The following SUPT3H variants were observed in gnomAD, a reference collection of about 807,000 sequenced individuals.
SUPT3H encodes the protein transcription initiation protein SPT3 homolog.
SUPT3H carries 44 observed loss-of-function variants against 44.3 expected under a neutral mutation model. The observed-to-expected ratio is 0.99, with a 90% CI of 0.78 to 1.28. The LOEUF (loss-of-function observed/expected upper bound fraction) is 1.28, where lower values mean the gene tolerates loss of function less well. Ranked by LOEUF, SUPT3H falls within the 50% of genes most tolerant of loss-of-function variation. The probability of loss-of-function intolerance (pLI) is 0.00; values close to 1 mark genes in which losing one functional copy is unlikely to be tolerated. For synonymous variants in SUPT3H, 124 were observed against 125.6 expected, an observed-to-expected ratio of 0.99 and a Z score of 0.09; for missense variants, 380 against 387.1, an observed-to-expected ratio of 0.98 and a Z score of 0.15.
intron 2 of SUPT3H, among the ~76,000 whole-genome samples, chr6:45,126,986 C>G (rs1317874450): frequency 6.6e-6 from 1 of 152,100 alleles, no homozygotes; most frequent in African/African-American, 2.4e-5. Flanking sequence ...TTGAATAATG[C>G]TGTTTTCCCT....
chr6:45,165,220 A>G (rs1809649653), intron 2 of SUPT3H, among the ~76,000 whole-genome samples: 1 of 152,186 alleles, frequency 6.6e-6, no homozygotes, highest in Non-Finnish European at 1.5e-5. Context: ...TGGAACACTG[A>G]GAAAAACCAC....
At chr6:44,884,388 G>T (rs1358301299) in intron 10 of SUPT3H, among the ~76,000 whole-genome samples, 1 of 152,150 alleles carries the variant, frequency 6.6e-6, no homozygotes, top group Non-Finnish European at 1.5e-5. Context: ...AAATAGGAAC[G>T]CTTTTACACC....
At chr6:44,846,535 AG>A (rs1256339713) in intron 10 of SUPT3H, among the ~76,000 whole-genome samples, 2 of 152,198 alleles carry the variant, frequency 1.3e-5, no homozygotes, top group African/African-American at 4.8e-5. Context: ...AGGTAAGACC[AG>A]GATAGATGTC....
chr6:45,136,702 A>G (rs1236771228), intron 2 of SUPT3H, among the ~76,000 whole-genome samples: 1 of 152,112 alleles, frequency 6.6e-6, no homozygotes. Context: ...CTGTCAAAAT[A>G]ATCAGTGAAC....
At chr6:45,134,209 C>G (rs1046074704) in intron 2 of SUPT3H, among the ~76,000 whole-genome samples, 4 of 152,134 alleles carry the variant, frequency 2.6e-5, no homozygotes, top group African/African-American at 9.7e-5. Context: ...TGCAAGGAAA[C>G]AAGCGAGGGC....
chr6:45,347,403 T>C (rs1312658520), intron 2 of SUPT3H, among the ~76,000 whole-genome samples: 1 of 152,122 alleles, frequency 6.6e-6, no homozygotes, highest in Non-Finnish European at 1.5e-5. Flanking sequence ...CTTTTGGTGG[T>C]AGATGTACAC....
At chr6:45,104,459 TA>T (rs1293269221) in intron 3 of SUPT3H, among the ~76,000 whole-genome samples, 1 of 151,866 alleles carries the variant, frequency 6.6e-6, no homozygotes, top group African/African-American at 2.4e-5. Flanking sequence ...TGTTTTCTGA[TA>T]AGAATTCCAC....
At chr6:44,985,683 G>C (rs1188690079) in intron 6 of SUPT3H, among the ~76,000 whole-genome samples, 3 of 152,144 alleles carry the variant, frequency 2.0e-5, no homozygotes, top group Non-Finnish European at 4.4e-5. Flanking sequence ...GTTGGTCTTT[G>C]ACATATTTTC....
intron 2 of SUPT3H, chr6:45,323,038 T>C: frequency 1.1e-6 from 1 of 900,412 alleles, no homozygotes; most frequent in Non-Finnish European, 1.7e-6. Context: ...CATACGATGA[T>C]ATTCATGTTT....
chr6:44,944,947 G>GT lies in SUPT3H; in HGVS notation c.801+8362dup, dbSNP rs535673905. 3.1e-3 allele frequency among the ~76,000 whole-genome samples: 465 copies of GT among 151,958 alleles called. 4 individuals carry two copies. The highest frequency in any genetic ancestry group is 0.011 in the African/African-American group (451 of 41,448). On this transcript the variant is annotated intron_variant, in intron 9 of 10. Coordinates refer to ENST00000371459, the MANE Select transcript of SUPT3H (RefSeq NM_003599.4). ...TGATTTATTGTGCTTCACAGATGTT[G>GT]TAAGTTTTGCAAATTTAAGGTTTAT...
chr6:45,123,986 C>CA (rs1258377302), intron 2 of SUPT3H, among the ~76,000 whole-genome samples: 1 of 152,044 alleles, frequency 6.6e-6, no homozygotes, highest in African/African-American at 2.4e-5. Context: ...GGCTGCTGAA[C>CA]AAAAACAGGG....
chr6:45,250,527 A>G (rs1204311357), intron 2 of SUPT3H, among the ~76,000 whole-genome samples: 1 of 152,102 alleles, frequency 6.6e-6, no homozygotes, highest in Non-Finnish European at 1.5e-5. Flanking sequence ...AAAACAGGAT[A>G]GAAAAGAAAG....
At chr6:45,106,060 C>A in intron 2 of SUPT3H, 54 bp from the exon 3 acceptor site, 5 of 1,378,516 alleles carry the variant, frequency 3.6e-6, no homozygotes, top group Admixed American at 3.5e-5. Context: ...CTAAGAAAGG[C>A]AAAAAGTGAA....
At chr6:45,121,923 G>A (rs1237769293) in intron 2 of SUPT3H, among the ~76,000 whole-genome samples, 1 of 151,656 alleles carries the variant, frequency 6.6e-6, no homozygotes, top group African/African-American at 2.4e-5. Context: ...TGATCCACCC[G>A]CCTCAGCCTC....
intron 2 of SUPT3H, among the ~76,000 whole-genome samples, chr6:45,198,338 T>A (rs562549421): frequency 6.6e-6 from 1 of 151,548 alleles, no homozygotes; most frequent in African/African-American, 2.4e-5. Flanking sequence ...GTCTACCTCA[T>A]TTGCTATAAT....
chr6:45,222,236 G>C (rs1003875499), intron 2 of SUPT3H, among the ~76,000 whole-genome samples: 3 of 152,052 alleles, frequency 2.0e-5, no homozygotes, highest in African/African-American at 7.2e-5. Flanking sequence ...CCTAACATTA[G>C]ATACATTGCA....
Position 45,165,102 on chromosome 6 carries a change from T to C in SUPT3H, c.102-59096A>G, listed in dbSNP as rs75254613. Among the ~76,000 whole-genome samples the C allele has an allele frequency of 5.5e-3, 835 of 152,168 alleles. 12 individuals carry two copies. The highest frequency in any genetic ancestry group is 0.019 in the African/African-American group (802 of 41,510). On this transcript the variant is annotated intron_variant, in intron 2 of 10. Transcript: ENST00000371459. ...TCCCCACTGCAAGGCTCACATCCAATAACAAGGAACAGCAGTTTACTGCTA... is the reference window on the plus strand; with the variant it reads ...TCCCCACTGCAAGGCTCACATCCAACAACAAGGAACAGCAGTTTACTGCTA...
chr6:45,055,489 T>C (rs4412189), intron 3 of SUPT3H, among the ~76,000 whole-genome samples: 54,637 of 151,996 alleles, frequency 0.36, 10,575 homozygotes, highest in Non-Finnish European at 0.43. Flanking sequence ...CATAGACCCA[T>C]GCAATAGCAT....
At chr6:44,835,899 T>C (rs930744440) in intron 10 of SUPT3H, among the ~76,000 whole-genome samples, 2 of 152,116 alleles carry the variant, frequency 1.3e-5, no homozygotes, top group African/African-American at 4.8e-5. Flanking sequence ...TCAGCCCTGG[T>C]CTCTGTGAGG....
Sources: gnomAD v4.1 joint callset for allele counts (sites outside exome capture counted in the v4.1 genomes callset) on GRCh38, gnomAD v4.1.1 for gene constraint, MANE v1.5 for transcripts, NCBI Gene and HGNC (gene_info 2026-07-23, HGNC 2026-07-21) for gene names.